Variants in SLC17A2 observed in about 807,000 individuals in gnomAD.
SLC17A2 encodes the protein sodium-dependent phosphate transport protein 3.
SLC17A2 carries 38 observed loss-of-function variants against 52.1 expected under a neutral mutation model. The ratio of observed to expected loss-of-function variants is 0.73; its 90% confidence interval spans 0.56 to 0.96. SLC17A2 has a LOEUF of 0.96. Ranked by LOEUF, SLC17A2 falls within the 40% of genes least tolerant of loss-of-function variation. The pLI is 0.00. For synonymous variants in SLC17A2, 226 were observed against 211.9 expected, an observed-to-expected ratio of 1.07 and a Z score of -0.58; for missense variants, 508 against 583.9, an observed-to-expected ratio of 0.87 and a Z score of 1.34.
In SLC17A2 at chr6:25,915,659, G is replaced by A. The variant is rs1312634049; in HGVS notation, c.1064-13C>T. The A allele has an allele frequency of 1.2e-6, 2 of 1,613,554 alleles. No individual in the cohort carries two copies. The highest frequency in any genetic ancestry group is 1.7e-6 in the Non-Finnish European group (2 of 1,179,768). ...GGAAGGAGGAGCCCTGGGCAATGAG[G>A]ACATGCTGTCAGGGAACCCTCTGAG... On this transcript the variant is annotated splice_polypyrimidine_tract_variant and intron_variant, in intron 9 of 11. Transcript: ENST00000377850.
intron 2 of SLC17A2, among the ~76,000 whole-genome samples, chr6:25,925,510 CAAA>C (rs71763063): frequency 5.0e-4 from 48 of 95,858 alleles, no homozygotes; most frequent in Middle Eastern, 5.4e-3. Context: ...AAGACTCAGT[CAAA>C]AAAAAAAAAA....
Position 25,918,568 on chromosome 6 carries a change from C to A in SLC17A2, c.568G>T (p.Ala190Ser). 2.5e-6 allele frequency: 4 copies of A among 1,610,742 alleles called. No individual in the cohort carries two copies. The highest frequency in any genetic ancestry group is 3.4e-6 in the Non-Finnish European group (4 of 1,177,040). The change falls in exon 6 of 12, where the codon GCA becomes TCA. Residue 190 changes from alanine to serine, a missense_variant. Ala to Ser is a moderately conservative substitution (Grantham distance 99). Coordinates refer to ENST00000377850, the MANE Select transcript of SLC17A2 (RefSeq NM_001286123.3). ...CAGAGGATGATGAAGGATCCAAATG[C>A]TGACCCTAAAGGAAAAAGGGAGAAA... The part of the protein sequence containing the change: ...KLTTIAGSGS[A>S]FGSFIILCVG...
intron 1 of SLC17A2, among the ~76,000 whole-genome samples, chr6:25,928,692 A>G (rs2151561909): frequency 6.6e-6 from 1 of 152,342 alleles, no homozygotes; most frequent in African/African-American, 2.4e-5. Context: ...TTTCCAAAAT[A>G]AGCACAGAAG....
intron 1 of SLC17A2, among the ~76,000 whole-genome samples, chr6:25,929,011 A>C (rs977122738): frequency 2.0e-5 from 3 of 152,220 alleles, no homozygotes; most frequent in Non-Finnish European, 4.4e-5. Context: ...AAGCAAAAAA[A>C]CAGGTTTTTC....
chr6:25,923,802 T>C lies in SLC17A2; in HGVS notation c.133A>G (p.Met45Val). The C allele has an allele frequency of 1.9e-6, 3 of 1,614,216 alleles. No individual in the cohort carries two copies. Among genetic ancestry groups the C allele is most frequent in the Non-Finnish European group, 2.5e-6 (3 of 1,180,034 alleles). Residue 45 changes from methionine to valine, a missense_variant, in exon 3 of 12, where the codon ATG becomes GTG. Met to Val is a conservative substitution (Grantham distance 21). Transcript: ENST00000377850. The part of the protein sequence containing the change: ...RVSLSIAIIA[M>V]VNTTQQQGLS... ...CCTTGCTGCTGAGTGGTGTTCACCA[T>C]GGCGATGATCGCAATGCTCAGACTC...
intron 2 of SLC17A2, 50 bp from the exon 3 acceptor site, chr6:25,923,956 T>C: frequency 7.1e-7 from 1 of 1,399,186 alleles, no homozygotes; most frequent in Non-Finnish European, 1.0e-6. Flanking sequence ...TGAGACCCCT[T>C]TCTTTTCCTT....
intron 3 of SLC17A2, 66 bp downstream of exon 3, chr6:25,923,629 A>G (rs1766639393): frequency 2.5e-6 from 3 of 1,217,422 alleles, no homozygotes; most frequent in Admixed American, 1.7e-5. Flanking sequence ...CCACAGAATC[A>G]AGATCTATGC....
At position 25,921,372 on chromosome 6, in the gene SLC17A2, A is replaced by G; in HGVS notation, c.281T>C (p.Ile94Thr). The change falls in exon 4 of 12, where the codon ATC (isoleucine) becomes ACC (threonine). Residue 94 changes from isoleucine to threonine, a missense_variant. By Grantham distance (89) the Ile-to-Thr change is moderately conservative. Coordinates refer to ENST00000377850, the MANE Select transcript of SLC17A2 (RefSeq NM_001286123.3). ...TATCCCATAGTTGATGGAGCTAAAG[A>G]TGATACCCTGAGTTTCTGGGCTCCA... ...YQWSPETQGIIFSSINYGIIL... is the reference protein window; with the variant it reads ...YQWSPETQGITFSSINYGIIL... 1 of 1,614,172 alleles carries G rather than the reference A, an allele frequency of 6.2e-7. No homozygotes were observed. The highest frequency in any genetic ancestry group is 8.5e-7 in the Non-Finnish European group (1 of 1,180,014).
intron 10 of SLC17A2, 107 bp from the exon 11 acceptor site, chr6:25,914,777 T>C: frequency 1.5e-6 from 1 of 676,386 alleles, no homozygotes; most frequent in Non-Finnish European, 2.6e-6. Context: ...GTCATTTTGC[T>C]TAATGCAGTT....
chr6:25,918,531 A>G lies in SLC17A2; in HGVS notation c.605T>C (p.Leu202Pro), dbSNP rs1267212638. The part of the protein sequence containing the change: ...GSFIILCVGG[L>P]ISQALSWPFI... ...AGGCCAGCTCAAGGCCTGTGAGATT[A>G]GTCCCCCCACACAGAGGATGATGAA... Residue 202 changes from leucine to proline, a missense_variant, in exon 6 of 12, where the codon CTA (leucine) becomes CCA (proline). Physicochemically the swap from Leu to Pro is moderately conservative, Grantham distance 98. Transcript: ENST00000377850. 1 of 1,613,866 alleles carries G rather than the reference A, an allele frequency of 6.2e-7. No individual in the cohort carries two copies. The highest frequency in any genetic ancestry group is 2.2e-5 in the East Asian group (1 of 44,886).
intron 1 of SLC17A2, among the ~76,000 whole-genome samples, chr6:25,928,595 T>C (rs546290379): frequency 3.3e-5 from 5 of 152,202 alleles, no homozygotes; most frequent in Non-Finnish European, 5.9e-5. Context: ...TCGTTTCCTA[T>C]TTTCCTTTGC....
At chr6:25,914,546 T>A (rs1432022229) in intron 11 of SLC17A2, 34 bp downstream of exon 11, 1 of 1,334,330 alleles carries the variant, frequency 7.5e-7, no homozygotes, top group African/African-American at 1.4e-5. Context: ...AAACAATACC[T>A]GCCACTTGAA....
intron 1 of SLC17A2, among the ~76,000 whole-genome samples, chr6:25,926,605 A>G (rs775100282): frequency 6.6e-5 from 10 of 152,202 alleles, no homozygotes; most frequent in Non-Finnish European, 1.0e-4. Context: ...ATATTTGTAT[A>G]CTAATCAAAT....
At chr6:25,928,246 A>G (rs1005940551) in intron 1 of SLC17A2, among the ~76,000 whole-genome samples, 1 of 152,016 alleles carries the variant, frequency 6.6e-6, no homozygotes, top group African/African-American at 2.4e-5. Flanking sequence ...TTGTTTTCGT[A>G]ATATTTTAAT....
At chr6:25,915,241 C>A (rs1766264350) in intron 10 of SLC17A2, among the ~76,000 whole-genome samples, 1 of 144,616 alleles carries the variant, frequency 6.9e-6, no homozygotes, top group African/African-American at 2.6e-5. Context: ...GGCCTTTTCC[C>A]AGCATACACA....
Position 25,913,236 on chromosome 6 carries a change from T to C in SLC17A2, c.*81A>G, listed in dbSNP as rs1766167735. On this transcript the variant is annotated 3_prime_UTR_variant, in exon 12 of 12. Coordinates refer to ENST00000377850, the MANE Select transcript of SLC17A2 (RefSeq NM_001286123.3). ...CCAGAGTTAAGAACTGCTGAGTCTA[T>C]GGTCAGGAATATGGAGAGAAGTAAA... The C allele has an allele frequency of 1.4e-6, 2 of 1,474,852 alleles. No homozygotes were observed. Among genetic ancestry groups the C allele is most frequent in the East Asian group, 4.5e-5 (2 of 44,022 alleles). 91.4% of individuals were successfully genotyped at this position (1,474,852 alleles called of 1,614,324 possible). A position where few individuals can be genotyped will look rare whatever the true frequency, so the allele number is the denominator to read the frequency against.
chr6:25,926,739 C>A (rs1295735420), intron 1 of SLC17A2, among the ~76,000 whole-genome samples: 1 of 152,146 alleles, frequency 6.6e-6, no homozygotes. Flanking sequence ...TGCTTAAAAT[C>A]CTTCAAGACA....
At chr6:25,923,661 C>G (rs769703363) in intron 3 of SLC17A2, 34 bp downstream of exon 3, 12 of 1,552,484 alleles carry the variant, frequency 7.7e-6, no homozygotes, top group Non-Finnish European at 9.8e-6. Flanking sequence ...AGTTTTTTCT[C>G]TCAACAAAGA....
chr6:25,914,615 T>C lies in SLC17A2; in HGVS notation c.1267A>G (p.Ile423Val), dbSNP rs1024015824. The C allele has an allele frequency of 6.8e-6, 11 of 1,613,314 alleles. No homozygotes were observed. Among genetic ancestry groups the C allele is most frequent in the Non-Finnish European group, 8.5e-6 (10 of 1,179,238 alleles). ...SRGFGLIAGIISSTATGFLIS... is the reference protein window; with the variant it reads ...SRGFGLIAGIVSSTATGFLIS... ...AGGAATCCAGTGGCAGTGGAAGAGA[T>C]GATTCCTGCGATGAGCCCAAATCCC... The change falls in exon 11 of 12, where the codon ATC becomes GTC. Residue 423 changes from isoleucine (I) to valine (V), a missense_variant. Transcript: ENST00000377850.
Sources: allele counts gnomAD v4.1 joint callset (sites outside exome capture counted in the v4.1 genomes callset), GRCh38; gene constraint gnomAD v4.1.1; transcripts MANE v1.5; gene names NCBI Gene and HGNC (gene_info 2026-07-23, HGNC 2026-07-21).